EXOC6: variants seen among roughly 807,000 people sequenced by gnomAD.
EXOC6 encodes the protein exocyst complex component 6, also known as SEC15-like 1.
EXOC6 carries 60 observed loss-of-function variants against 112.5 expected under a neutral mutation model. The observed-to-expected ratio is 0.53, with a 90% CI of 0.43 to 0.66. EXOC6 has a LOEUF of 0.66. Ranked by LOEUF, EXOC6 falls within the 30% of genes least tolerant of loss-of-function variation. The pLI is 0.00. For missense variants in EXOC6, 855 were observed against 957.1 expected (o/e 0.89, Z 1.41); for synonymous variants, 295 against 308.0 (o/e 0.96, Z 0.44).
chr10:92,898,255 C>T (rs1039170767), intron 4 of EXOC6, among the ~76,000 whole-genome samples: 4 of 105,718 alleles, frequency 3.8e-5, no homozygotes, highest in African/African-American at 1.8e-4. Flanking sequence ...CCTGTCTCTA[C>T]AGAAAATTAA....
chr10:93,050,542 G>A (rs551546738), intron 20 of EXOC6, among the ~76,000 whole-genome samples: 3 of 151,500 alleles, frequency 2.0e-5, no homozygotes, highest in Admixed American at 6.6e-5. Flanking sequence ...GGTGGATCAC[G>A]AGGTCAGGAG....
At chr10:92,867,987 A>G (rs1746443368) in intron 1 of EXOC6, among the ~76,000 whole-genome samples, 1 of 152,176 alleles carries the variant, frequency 6.6e-6, no homozygotes. Context: ...TGTCCATTTC[A>G]GTTTTTTAAA....
chr10:92,893,659 T>C (rs1849614167), intron 2 of EXOC6, 139 bp downstream of exon 2: 1 of 640,866 alleles, frequency 1.6e-6, no homozygotes, highest in East Asian at 2.7e-5. Context: ...GAATGCTCTT[T>C]ATGCTCTATT....
chr10:93,043,799 C>T (rs551440077), intron 20 of EXOC6, among the ~76,000 whole-genome samples: 2 of 152,222 alleles, frequency 1.3e-5, no homozygotes, highest in East Asian at 3.9e-4. Context: ...GAAAATAAGT[C>T]CTCCTTCAAC....
chr10:93,054,273 G>A (rs567674993), intron 20 of EXOC6, among the ~76,000 whole-genome samples: 1 of 152,118 alleles, frequency 6.6e-6, no homozygotes, highest in African/African-American at 2.4e-5. Flanking sequence ...TATCTAGCAC[G>A]TGATAGGTGG....
chr10:93,022,846 A>G (rs1844847615), intron 20 of EXOC6, among the ~76,000 whole-genome samples: 1 of 152,134 alleles, frequency 6.6e-6, no homozygotes, highest in Non-Finnish European at 1.5e-5. Context: ...TAAAGTTTCA[A>G]TAGGGCTTTT....
intron 1 of EXOC6, 30 bp downstream of exon 1, chr10:92,848,664 C>A: frequency 7.6e-7 from 1 of 1,314,560 alleles, no homozygotes; most frequent in Non-Finnish European, 9.9e-7. Context: ...GGGACTTCGG[C>A]CCCCCGCCCC....
intron 8 of EXOC6, among the ~76,000 whole-genome samples, chr10:92,923,861 C>G (rs546538654): frequency 1.2e-3 from 180 of 152,270 alleles, no homozygotes; most frequent in African/African-American, 4.2e-3. Flanking sequence ...AAATCATACC[C>G]TTCACTGATA....
At chr10:93,047,529 A>G (rs1336655187) in intron 20 of EXOC6, among the ~76,000 whole-genome samples, 1 of 150,396 alleles carries the variant, frequency 6.6e-6, no homozygotes, top group African/African-American at 2.5e-5. Context: ...GAGTGAGGCT[A>G]TGTCTCAAAC....
chr10:92,865,361 C>A (rs1346003912), intron 1 of EXOC6, among the ~76,000 whole-genome samples: 1 of 152,074 alleles, frequency 6.6e-6, no homozygotes, highest in African/African-American at 2.4e-5. Context: ...TGGTGAAACC[C>A]CGTCTCTACT....
intron 1 of EXOC6, among the ~76,000 whole-genome samples, chr10:92,883,577 A>G (rs1354596224): frequency 6.6e-6 from 1 of 152,198 alleles, no homozygotes; most frequent in Non-Finnish European, 1.5e-5. Flanking sequence ...AAGTTTAATT[A>G]CTAATAATGA....
At chr10:92,944,346 C>T (rs1191805825) in intron 13 of EXOC6, among the ~76,000 whole-genome samples, 1 of 152,012 alleles carries the variant, frequency 6.6e-6, no homozygotes, top group African/African-American at 2.4e-5. Context: ...AAGTGAGTCT[C>T]CTGCCTCAGC....
chr10:92,875,916 TA>T (rs1313064866), intron 1 of EXOC6, among the ~76,000 whole-genome samples: 4 of 152,046 alleles, frequency 2.6e-5, no homozygotes, highest in Admixed American at 6.6e-5. Context: ...AAATATTCAT[TA>T]AAAAAATTTC....
chr10:92,841,403 C>T (rs1029273527), intron 1 of EXOC6, among the ~76,000 whole-genome samples: 6 of 152,270 alleles, frequency 3.9e-5, no homozygotes, highest in Non-Finnish European at 8.8e-5. Context: ...TTTGAAAAAT[C>T]ACATTCACTA....
chr10:92,898,429 C>A (rs79155375), intron 4 of EXOC6, among the ~76,000 whole-genome samples: 125 of 137,254 alleles, frequency 9.1e-4, no homozygotes, highest in East Asian at 2.3e-3. Context: ...GACCTTGTCT[C>A]AAAAAAAAAA....
Position 92,934,427 on chromosome 10 carries a change from TTCAG to T in EXOC6, c.1139_1140+2del. The T allele has an allele frequency of 6.4e-7, 1 of 1,566,108 alleles. No homozygotes were observed. The highest frequency in any genetic ancestry group is 8.6e-7 in the Non-Finnish European group (1 of 1,161,230). On this transcript the variant is annotated splice_donor_variant and coding_sequence_variant, in exon 11 of 22. Transcript: ENST00000260762. LOFTEE classifies it high-confidence loss of function. ...AGATAATTGCTGTCCTTAGAGCTCA[TTCAG>T]TAAGTCAGACAATTTACATTACTAA...
chr10:92,882,259 G>A (rs1052503694), intron 1 of EXOC6, among the ~76,000 whole-genome samples: 8 of 151,944 alleles, frequency 5.3e-5, no homozygotes, highest in African/African-American at 1.9e-4. Context: ...ATAAGGAGGT[G>A]GTGGTTGGGC....
In EXOC6 at chr10:93,059,370, T is replaced by C. The variant is rs1329621920; in HGVS notation, c.*1015T>C. 2 of 152,194 alleles carry C rather than the reference T, an allele frequency of 1.3e-5. No homozygotes were observed. Among genetic ancestry groups the C allele is most frequent in the Non-Finnish European group, 2.9e-5 (2 of 68,040 alleles). 9.4% of individuals were successfully genotyped at this position (152,194 alleles called of 1,614,324 possible). ...ATTTATGCTGAATCTTCCCTTTGCC[T>C]TTTCAGGATTTAGGCCTGTAAGAAA... On this transcript the variant is annotated 3_prime_UTR_variant, in exon 22 of 22. Coordinates refer to ENST00000260762, the MANE Select transcript of EXOC6 (RefSeq NM_019053.6).
chr10:92,975,955 C>A (rs558632635), intron 18 of EXOC6, among the ~76,000 whole-genome samples: 1 of 144,834 alleles, frequency 6.9e-6, no homozygotes, highest in African/African-American at 2.6e-5. Context: ...GCCGCCCCGT[C>A]CGGTAGGTGA....
Sources: allele counts gnomAD v4.1 joint callset (sites outside exome capture counted in the v4.1 genomes callset), GRCh38; gene constraint gnomAD v4.1.1; transcripts MANE v1.5; gene names NCBI Gene and HGNC (gene_info 2026-07-23, HGNC 2026-07-21).